Variants in GALNT17 observed in about 807,000 individuals in gnomAD.
GALNT17 encodes polypeptide N-acetylgalactosaminyltransferase 17.
A neutral mutation model predicts 63.7 loss-of-function variants in GALNT17; 29 were observed. The observed-to-expected ratio is 0.46, with a 90% CI of 0.34 to 0.62. The LOEUF is 0.62. Ranked by LOEUF, GALNT17 falls within the 20% of genes least tolerant of loss-of-function variation. The pLI is 0.01. For synonymous variants in GALNT17, 305 were observed against 318.3 expected (o/e 0.96, Z 0.45); for missense variants, 603 against 799.6 (o/e 0.75, Z 2.97).
intron 1 of GALNT17, among the ~76,000 whole-genome samples, chr7:71,200,167 C>G (rs1432138988): frequency 2.0e-5 from 3 of 152,076 alleles, no homozygotes; most frequent in Non-Finnish European, 4.4e-5. Context: ...AAGAAGGTTT[C>G]CTCTGAATAA....
intron 6 of GALNT17, among the ~76,000 whole-genome samples, chr7:71,609,169 C>G (rs1164369906): frequency 6.6e-6 from 1 of 152,196 alleles, no homozygotes; most frequent in Non-Finnish European, 1.5e-5. Flanking sequence ...GCCTTGATGT[C>G]TATACCAAAG....
rs528725222 is a variant in GALNT17, at chr7:71,393,621, C to T, written c.589+5220C>T. 3.3e-5 allele frequency among the ~76,000 whole-genome samples: 5 copies of T among 152,070 alleles called. No homozygotes were observed. The South Asian group carries it at 8.3e-4, about 25-fold the overall frequency. On this transcript the variant is annotated intron_variant, in intron 3 of 10. Coordinates refer to ENST00000333538, the MANE Select transcript of GALNT17 (RefSeq NM_022479.3). ...GAGGGCAGATTGATCTATTCTCAGA[C>T]TCACTAAGCTCTGGTCAAGATGGGC... is the stretch of plus-strand genomic sequence containing the variant.
At chr7:71,450,508 A>G (rs1046125928) in intron 5 of GALNT17, among the ~76,000 whole-genome samples, 6 of 152,216 alleles carry the variant, frequency 3.9e-5, no homozygotes, top group African/African-American at 1.4e-4. Context: ...TGCTTTTTAA[A>G]TGAAAAAGAC....
intron 6 of GALNT17, among the ~76,000 whole-genome samples, chr7:71,633,236 G>A (rs73371256): frequency 0.09 from 13,627 of 151,956 alleles, 845 homozygotes; most frequent in African/African-American, 0.18. Flanking sequence ...ATTCTCACTC[G>A]CCATGTCCCA....
intron 5 of GALNT17, among the ~76,000 whole-genome samples, chr7:71,570,896 T>C (rs925393811): frequency 2.0e-5 from 3 of 152,100 alleles, no homozygotes; most frequent in Non-Finnish European, 4.4e-5. Flanking sequence ...GAGAATTGCT[T>C]GAACCTGGGA....
intron 1 of GALNT17, among the ~76,000 whole-genome samples, chr7:71,206,445 T>C (rs1047507634): frequency 3.2e-4 from 49 of 152,160 alleles, no homozygotes; most frequent in African/African-American, 1.2e-3. Flanking sequence ...AGAGCTCTCT[T>C]GAGAGTGGAG....
intron 6 of GALNT17, among the ~76,000 whole-genome samples, chr7:71,595,660 GACACACACACACAC>G (rs61389262): frequency 7.7e-5 from 11 of 142,694 alleles, no homozygotes; most frequent in East Asian, 6.3e-4. Flanking sequence ...GAGAGACTGA[GACACACACACACAC>G]ACACACACAC....
chr7:71,617,266 A>G (rs2116964587), intron 6 of GALNT17, among the ~76,000 whole-genome samples: 1 of 145,648 alleles, frequency 6.9e-6, no homozygotes, highest in South Asian at 2.2e-4. Flanking sequence ...GGTAGTAAGC[A>G]TAGTACTTGA....
intron 3 of GALNT17, among the ~76,000 whole-genome samples, chr7:71,398,891 G>A (rs1306201192): frequency 6.6e-6 from 1 of 152,162 alleles, no homozygotes; most frequent in Admixed American, 6.5e-5. Flanking sequence ...ACTTGAGTTG[G>A]ACTTACTGGA....
chr7:71,208,635 A>G (rs959017607), intron 1 of GALNT17, among the ~76,000 whole-genome samples: 3 of 151,716 alleles, frequency 2.0e-5, no homozygotes, highest in Non-Finnish European at 4.4e-5. Flanking sequence ...TATTTTTGGT[A>G]GAGATGAGAT....
At chr7:71,706,182 T>G (rs922598514) in intron 9 of GALNT17, among the ~76,000 whole-genome samples, 2 of 152,188 alleles carry the variant, frequency 1.3e-5, no homozygotes, top group African/African-American at 4.8e-5. Flanking sequence ...GCAGAACCTA[T>G]GCACATGACC....
At chr7:71,482,470 A>G (rs1473543310) in intron 5 of GALNT17, among the ~76,000 whole-genome samples, 1 of 152,072 alleles carries the variant, frequency 6.6e-6, no homozygotes, top group Non-Finnish European at 1.5e-5. Flanking sequence ...ATTCAAAGAA[A>G]TGCATCATTA....
At chr7:71,200,849 A>T (rs890976345) in intron 1 of GALNT17, among the ~76,000 whole-genome samples, 3 of 152,200 alleles carry the variant, frequency 2.0e-5, no homozygotes, top group South Asian at 4.2e-4. Context: ...TATACCTAGC[A>T]TCTAGACTCA....
chr7:71,396,101 A>G (rs1793135354), intron 3 of GALNT17, among the ~76,000 whole-genome samples: 1 of 152,156 alleles, frequency 6.6e-6, no homozygotes, highest in Non-Finnish European at 1.5e-5. Context: ...TTGGATGCAC[A>G]AAAGTTTTTA....
At chr7:71,504,234 A>G (rs1374999631) in intron 5 of GALNT17, among the ~76,000 whole-genome samples, 1 of 151,708 alleles carries the variant, frequency 6.6e-6, no homozygotes, top group Admixed American at 6.6e-5. Context: ...CTCAAAAAAA[A>G]AAAAAAAAAT....
rs77598353 is a variant in GALNT17, at chr7:71,317,497, C to T, written c.239-18053C>T. Reference sequence around the variant, plus strand: ...CTTTGGGAGGCCAAGGTGGAAGGATCGTTTGAGGCTGGGACCCAGATAGAA... The same window carrying T: ...CTTTGGGAGGCCAAGGTGGAAGGATTGTTTGAGGCTGGGACCCAGATAGAA... On this transcript the variant is annotated intron_variant, in intron 1 of 10. Coordinates refer to ENST00000333538, the MANE Select transcript of GALNT17 (RefSeq NM_022479.3). Among the ~76,000 whole-genome samples the T allele has an allele frequency of 8.4e-3, 1,271 of 152,148 alleles. 12 individuals are homozygous for T. Among genetic ancestry groups the T allele is most frequent in the African/African-American group, 0.029 (1,209 of 41,508 alleles).
chr7:71,710,905 T>A lies in GALNT17; in HGVS notation c.1645T>A (p.Tyr549Asn). 1 of 1,613,878 alleles carries A rather than the reference T, an allele frequency of 6.2e-7. No homozygotes were observed. The highest frequency in any genetic ancestry group is 1.3e-5 in the African/African-American group (1 of 75,048). The change falls in exon 10 of 11, where the codon TAC becomes AAC. Residue 549 changes from tyrosine (Y) to asparagine (N), a missense_variant. Tyr to Asn is a moderately radical substitution (Grantham distance 143). Transcript: ENST00000333538. The part of the protein sequence containing the change: ...LDCDKVKSSL[Y>N]KRWNFIQNGA... Reference sequence around the variant, plus strand: ...CTGCGACAAGGTCAAGAGCAGCCTGTACAAGCGCTGGAACTTCATCCAGGT... The same window carrying A: ...CTGCGACAAGGTCAAGAGCAGCCTGAACAAGCGCTGGAACTTCATCCAGGT...
intron 1 of GALNT17, among the ~76,000 whole-genome samples, chr7:71,255,743 C>T (rs1028820586): frequency 6.6e-6 from 1 of 152,144 alleles, no homozygotes; most frequent in African/African-American, 2.4e-5. Flanking sequence ...GGGGAGCTGG[C>T]TTGTGGAAGG....
rs1387997112 is a variant in GALNT17 at position 71,281,036 on chromosome 7, C to T, written c.239-54514C>T. On this transcript the variant is annotated intron_variant, in intron 1 of 10. Transcript: ENST00000333538. Reference sequence around the variant, plus strand: ...TCCAGGAGACTAGATAGTTTCAGCACAGAAATGCATAAAGGCAAGGAAAAG... The same window carrying T: ...TCCAGGAGACTAGATAGTTTCAGCATAGAAATGCATAAAGGCAAGGAAAAG... 3.9e-5 allele frequency among the ~76,000 whole-genome samples: 6 copies of T among 152,244 alleles called. 1 individual carries two copies. The highest frequency in any genetic ancestry group is 6.5e-5 in the Admixed American group (1 of 15,286).
Sources: allele counts gnomAD v4.1 joint callset (sites outside exome capture counted in the v4.1 genomes callset), GRCh38; gene constraint gnomAD v4.1.1; transcripts MANE v1.5; gene names NCBI Gene and HGNC (gene_info 2026-07-23, HGNC 2026-07-21).